Variants in PIK3CD observed in about 807,000 individuals in gnomAD.
The protein encoded by PIK3CD is phosphatidylinositol-4,5-bisphosphate 3-kinase catalytic subunit delta, also known as phosphatidylinositol 4,5-bisphosphate 3-kinase catalytic subunit delta isoform.
A neutral mutation model predicts 122.9 loss-of-function variants in PIK3CD; 20 were observed. The observed-to-expected ratio is 0.16, with a 90% CI of 0.11 to 0.24. PIK3CD has a LOEUF of 0.24. Among genes scored for constraint, PIK3CD ranks in the 10% least tolerant of loss-of-function variants. The pLI, the probability that PIK3CD is intolerant of heterozygous loss-of-function variation, is 1.00. For missense variants in PIK3CD, 787 were observed against 1,406.3 expected (o/e 0.56, Z 7.04); for synonymous variants, 596 against 593.4 (o/e 1.00, Z -0.06).
chr1:9,630,876 C>T, the PIK3CD span, among the ~76,000 whole-genome samples: 1 of 152,016 alleles, frequency 6.6e-6, no homozygotes, highest in African/African-American at 2.4e-5. Flanking sequence ...GCAGGGAGGG[C>T]AGAGAGGGGG....
In PIK3CD at chr1:9,687,954, T is replaced by G. The variant is rs532042281; in HGVS notation, c.-137-3513T>G. Among the ~76,000 whole-genome samples the G allele has an allele frequency of 3.9e-3, 586 of 151,754 alleles. 6 individuals are homozygous for G. The highest frequency in any genetic ancestry group is 0.014 in the African/African-American group (566 of 41,488). On this transcript the variant is annotated intron_variant, in intron 1 of 23. Coordinates refer to ENST00000377346, the MANE Select transcript of PIK3CD (RefSeq NM_005026.5). ...GGGCATCCGGGACCCCTGGCAAGGC[T>G]GCCGGGTGCTGGGAGGACGCAGAGG...
intron 2 of PIK3CD, among the ~76,000 whole-genome samples, chr1:9,705,349 A>G (rs1646792067): frequency 1.3e-5 from 2 of 151,234 alleles, no homozygotes; most frequent in South Asian, 4.2e-4. Flanking sequence ...AAAGGAAAAA[A>G]AAAAGGGTGT....
intron 1 of PIK3CD, among the ~76,000 whole-genome samples, chr1:9,668,412 A>G (rs1645226679): frequency 6.6e-6 from 1 of 150,494 alleles, no homozygotes; most frequent in Admixed American, 6.6e-5. Flanking sequence ...CACATAGTTG[A>G]TGCTCTGTAA....
chr1:9,635,675 C>T, the PIK3CD span, among the ~76,000 whole-genome samples: 1 of 152,190 alleles, frequency 6.6e-6, no homozygotes, highest in African/African-American at 2.4e-5. Flanking sequence ...CGTGGGGGAT[C>T]TCCTAGAGCC....
intron 1 of PIK3CD, chr1:9,661,053 G>A (rs61783030): frequency 0.24 from 35,681 of 151,784 alleles, 4,687 homozygotes; most frequent in East Asian, 0.59. Context: ...TCCTGCCTCA[G>A]CCTCCAGAGT....
chr1:9,654,256 C>T (rs979575955), intron 1 of PIK3CD: 2 of 1,367,630 alleles, frequency 1.5e-6, no homozygotes, highest in African/African-American at 3.0e-5. Flanking sequence ...ACGCAGATGT[C>T]CCCTTCTGGC....
chr1:9,653,791 A>G (rs538240300), intron 1 of PIK3CD: 1 of 1,366,554 alleles, frequency 7.3e-7, no homozygotes, highest in East Asian at 4.5e-5. Context: ...ATTTCTTGAT[A>G]TTAGGATTCC....
the PIK3CD span, among the ~76,000 whole-genome samples, chr1:9,642,673 T>C: frequency 6.8e-6 from 1 of 146,968 alleles, no homozygotes; most frequent in Non-Finnish European, 1.5e-5. Context: ...GCTGAGATAG[T>C]GCCACTGCAC....
chr1:9,684,574 G>C (rs971203909), intron 1 of PIK3CD, among the ~76,000 whole-genome samples: 3 of 149,886 alleles, frequency 2.0e-5, no homozygotes, highest in Non-Finnish European at 4.4e-5. Flanking sequence ...GAGCAATGCA[G>C]TTGGGTGTGA....
chr1:9,702,480 C>A, intron 2 of PIK3CD, among the ~76,000 whole-genome samples: 1 of 120,582 alleles, frequency 8.3e-6, no homozygotes. Flanking sequence ...GGCAGGTCCA[C>A]TTCCAAGGAA....
intron 2 of PIK3CD, among the ~76,000 whole-genome samples, chr1:9,702,500 C>CTGTTTTTTTTTTTTTTT (rs1646676337): frequency 3.9e-5 from 1 of 25,804 alleles, no homozygotes; most frequent in Non-Finnish European, 1.0e-4. Flanking sequence ...AAGAACTTTC[C>CTGTTTTTTTTTTTTTTT]TTTTTTTTTT....
intron 2 of PIK3CD, among the ~76,000 whole-genome samples, chr1:9,694,760 C>T (rs979959393): frequency 2.6e-5 from 4 of 151,992 alleles, no homozygotes; most frequent in South Asian, 2.1e-4. Flanking sequence ...CCCAGGAGTT[C>T]GAGACCATCC....
intron 1 of PIK3CD, among the ~76,000 whole-genome samples, chr1:9,676,590 G>A (rs1305881798): frequency 6.6e-6 from 1 of 152,196 alleles, no homozygotes; most frequent in Admixed American, 6.5e-5. Context: ...AGTTGACCTA[G>A]GTGTCCTTGA....
intron 1 of PIK3CD, among the ~76,000 whole-genome samples, chr1:9,685,997 CTAGGATAT>C (rs1303583898): frequency 6.6e-6 from 1 of 152,132 alleles, no homozygotes; most frequent in Non-Finnish European, 1.5e-5. Context: ...AGGTTGGAGG[CTAGGATAT>C]TGGTGAGCAT....
At chr1:9,694,566 T>A (rs942921478) in intron 2 of PIK3CD, among the ~76,000 whole-genome samples, 1 of 152,074 alleles carries the variant, frequency 6.6e-6, no homozygotes, top group Admixed American at 6.6e-5. Context: ...GCTTTGTCAT[T>A]TCACACTGAA....
At chr1:9,708,218 C>G (rs1646917417) in intron 2 of PIK3CD, among the ~76,000 whole-genome samples, 1 of 151,852 alleles carries the variant, frequency 6.6e-6, no homozygotes, top group African/African-American at 2.4e-5. Flanking sequence ...CAGTCTCACT[C>G]TGTCATCCAG....
chr1:9,643,520 AAAAT>A, the PIK3CD span, among the ~76,000 whole-genome samples: 10 of 151,880 alleles, frequency 6.6e-5, no homozygotes, highest in Non-Finnish European at 1.3e-4. Flanking sequence ...AAAGATTAAA[AAAAT>A]AAATAAATAA....
chr1:9,695,975 C>T (rs1646401199), intron 2 of PIK3CD, among the ~76,000 whole-genome samples: 1 of 143,762 alleles, frequency 7.0e-6, no homozygotes. Context: ...ACATTAAAGA[C>T]TTTTTTTTTT....
the PIK3CD span, among the ~76,000 whole-genome samples, chr1:9,642,847 T>C: frequency 2.0e-5 from 3 of 151,866 alleles, no homozygotes; most frequent in African/African-American, 4.8e-5. Context: ...TCCCAGCACA[T>C]TGGGAGGCCA....
Sources: allele counts gnomAD v4.1 joint callset (sites outside exome capture counted in the v4.1 genomes callset), GRCh38; gene constraint gnomAD v4.1.1; transcripts MANE v1.5; gene names NCBI Gene and HGNC (gene_info 2026-07-23, HGNC 2026-07-21).